TSEN2: variants seen among roughly 807,000 people sequenced by gnomAD.
TSEN2 encodes the protein tRNA splicing endonuclease subunit 2, also known as tRNA-splicing endonuclease subunit Sen2.
TSEN2 carries 54 observed loss-of-function variants against 59.2 expected under a neutral mutation model. The ratio of observed to expected loss-of-function variants is 0.91; its 90% CI spans 0.73 to 1.14. The LOEUF is 1.14. Ranked by LOEUF, TSEN2 falls within the 50% of genes most tolerant of loss-of-function variation. The pLI is 0.00. For missense variants in TSEN2, 636 were observed against 576.2 expected, an observed-to-expected ratio of 1.10 and a Z score of -1.06; for synonymous variants, 195 against 198.2, an observed-to-expected ratio of 0.98 and a Z score of 0.14.
At chr3:12,506,571 C>A (rs2054860225) in intron 6 of TSEN2, 2 of 443,728 alleles carry the variant, frequency 4.5e-6, no homozygotes, top group South Asian at 9.5e-5. Flanking sequence ...CAAGCGAGAT[C>A]CTGTTTCAAA....
At chr3:12,539,144 T>A in intron 10 of TSEN2, 1 of 445,812 alleles carries the variant, frequency 2.2e-6, no homozygotes, top group Admixed American at 2.5e-5. Context: ...TTTCTTTTTT[T>A]TTTTCTTGTG....
chr3:12,492,557 T>G (rs1050346573), intron 3 of TSEN2, among the ~76,000 whole-genome samples: 29 of 152,352 alleles, frequency 1.9e-4, no homozygotes, highest in Non-Finnish European at 3.5e-4. Context: ...GAATTAGAAT[T>G]TGTAATAGCC....
chr3:12,507,904 G>A (rs1317024817), intron 6 of TSEN2, among the ~76,000 whole-genome samples: 1 of 152,246 alleles, frequency 6.6e-6, no homozygotes, highest in Non-Finnish European at 1.5e-5. Context: ...CATGATAGCT[G>A]AGGATAGTAA....
At chr3:12,538,795 T>C in intron 10 of TSEN2, 1 of 162,804 alleles carries the variant, frequency 6.1e-6, no homozygotes, top group Non-Finnish European at 1.3e-5. Flanking sequence ...ACCTCATTTC[T>C]TTACAGTTTC....
chr3:12,503,932 G>A, intron 5 of TSEN2, 148 bp downstream of exon 5: 4 of 1,010,258 alleles, frequency 4.0e-6, no homozygotes, highest in South Asian at 1.6e-5. Flanking sequence ...CAGCTGTGAG[G>A]GCCATTTCAA....
At chr3:12,520,412 G>A (rs191488183) in intron 8 of TSEN2, among the ~76,000 whole-genome samples, 12 of 152,292 alleles carry the variant, frequency 7.9e-5, no homozygotes, top group Non-Finnish European at 1.5e-4. Context: ...TGAAGCCCAC[G>A]CTTTTAGAAA....
intron 1 of TSEN2, among the ~76,000 whole-genome samples, chr3:12,488,995 C>A (rs1037429491): frequency 6.6e-6 from 1 of 152,206 alleles, no homozygotes; most frequent in Non-Finnish European, 1.5e-5. Flanking sequence ...GAATGGTACA[C>A]GCTATGTGCC....
chr3:12,537,225 C>T (rs867609776), downstream of TSEN2, among the ~76,000 whole-genome samples: 1 of 151,518 alleles, frequency 6.6e-6, no homozygotes, highest in South Asian at 2.1e-4. Context: ...AGTGAGACCC[C>T]GTCTTTACAA....
chr3:12,531,205 A>ACAATT (rs61434977), intron 10 of TSEN2: 115,770 of 233,870 alleles, frequency 0.5, 32,131 homozygotes, highest in African/African-American at 0.78. Flanking sequence ...TGTGGGAACT[A>ACAATT]CAAGATGAGA....
intron 5 of TSEN2, among the ~76,000 whole-genome samples, chr3:12,504,237 C>A (rs988689893): frequency 6.6e-6 from 1 of 151,932 alleles, no homozygotes; most frequent in Non-Finnish European, 1.5e-5. Flanking sequence ...TATGAGATAC[C>A]CATTCAAAGA....
chr3:12,530,140 G>A (rs771089423), intron 10 of TSEN2: 285 of 1,337,410 alleles, frequency 2.1e-4, no homozygotes, highest in Non-Finnish European at 2.7e-4. Context: ...ATGGTGATCT[G>A]ATCTGGGTAG....
At chr3:12,513,155 A>AT (rs1303023294) in intron 6 of TSEN2, among the ~76,000 whole-genome samples, 1 of 152,260 alleles carries the variant, frequency 6.6e-6, no homozygotes, top group South Asian at 2.1e-4. Context: ...TTTTAGGCCA[A>AT]TAAAAATGAG....
chr3:12,531,496 C>A, intron 10 of TSEN2, 74 bp from the exon 11 acceptor site: 1 of 933,572 alleles, frequency 1.1e-6, no homozygotes, highest in Non-Finnish European at 1.8e-6. Flanking sequence ...AGACCACCTG[C>A]ATTTCCTGCT....
At chr3:12,502,404 C>T (rs140383147) in intron 4 of TSEN2, among the ~76,000 whole-genome samples, 18 of 152,110 alleles carry the variant, frequency 1.2e-4, no homozygotes, top group African/African-American at 4.1e-4. Context: ...GGGGTGGTGA[C>T]GCAAGCCTGT....
Position 12,496,750 on chromosome 3 carries a change from T to G in TSEN2, c.308+196T>G, listed in dbSNP as rs763397472. Among the ~76,000 whole-genome samples the G allele has an allele frequency of 9.9e-5, 15 of 152,214 alleles. 1 individual carries two copies. Among genetic ancestry groups the G allele is most frequent in the Admixed American group, 2.0e-4 (3 of 15,276 alleles). ...TGCAATGCCTTACGTGAGTTTATGG[T>G]TTGTTTAAATACTGTTTTGCCAGTT... On this transcript the variant is annotated intron_variant, in intron 4 of 11. Transcript: ENST00000284995.
intron 3 of TSEN2, among the ~76,000 whole-genome samples, chr3:12,492,921 T>C (rs559370947): frequency 3.9e-5 from 6 of 152,350 alleles, no homozygotes; most frequent in African/African-American, 1.4e-4. Flanking sequence ...ATTTACTTTG[T>C]TTTCTTTTCC....
rs546920468 is a variant in TSEN2 at position 12,508,397 on chromosome 3, C to G, written c.909+3166C>G. ...AGGGAGCACACCGTTAAACCTAGCT[C>G]TACTTGTCTTTCTGTTTTGGCAGAT... On this transcript the variant is annotated intron_variant, in intron 6 of 11. Transcript: ENST00000284995. 1.4e-3 allele frequency among the ~76,000 whole-genome samples: 215 copies of G among 152,282 alleles called. 1 individual carries two copies. Among genetic ancestry groups the G allele is most frequent in the Middle Eastern group, 0.014 (4 of 294 alleles).
chr3:12,485,294 C>G (rs1309554654), intron 1 of TSEN2, among the ~76,000 whole-genome samples: 1 of 151,894 alleles, frequency 6.6e-6, no homozygotes, highest in East Asian at 1.9e-4. Flanking sequence ...TTTTGTTTTT[C>G]TAATAGACAT....
rs1491196550 is a variant in TSEN2, at chr3:12,516,442, A to ATGTGTGTG, written c.910-168_910-167insGTGTGTGT. Among the ~76,000 whole-genome samples the ATGTGTGTG allele has an allele frequency of 5.7e-3, 506 of 89,156 alleles. 3 individuals carry two copies. The highest frequency in any genetic ancestry group is 8.5e-3 in the Non-Finnish European group (354 of 41,766). The allele number at this position is 89,156 out of a possible 152,430, so 58.5% of individuals were successfully genotyped here. A position where few individuals can be genotyped will look rare whatever the true frequency, so the allele number is the denominator to read the frequency against. Reference sequence around the variant, plus strand: ...TCCGTTTCAAAAACAAACAAACAAAATATATGTGTGTGTGTGTGTGTGTGT... The same window carrying ATGTGTGTG: ...TCCGTTTCAAAAACAAACAAACAAAATGTGTGTGTATATGTGTGTGTGTGTGTGTGTGT... On this transcript the variant is annotated intron_variant, in intron 6 of 11. Transcript: ENST00000284995.
Sources: allele counts gnomAD v4.1 joint callset (sites outside exome capture counted in the v4.1 genomes callset), GRCh38; gene constraint gnomAD v4.1.1; transcripts MANE v1.5; gene names NCBI Gene and HGNC (gene_info 2026-07-23, HGNC 2026-07-21).